KMT2E: variants seen among roughly 807,000 people sequenced by gnomAD.
The protein encoded by KMT2E is histone reader KMT2E.
Under a neutral mutation model 184.6 loss-of-function variants are expected in KMT2E, and 30 were observed. The ratio of observed to expected loss-of-function variants is 0.16; its 90% confidence interval spans 0.12 to 0.22. KMT2E has a LOEUF of 0.22. Ranked by LOEUF, KMT2E falls within the 10% of genes least tolerant of loss-of-function variation. The pLI, the probability that KMT2E is intolerant of heterozygous loss-of-function variation, is 1.00. For synonymous variants in KMT2E, 815 were observed against 776.5 expected (o/e 1.05, Z -0.82); for missense variants, 2,023 against 2,237.4 (o/e 0.90, Z 1.93).
chr7:105,066,818 C>T lies in KMT2E; in HGVS notation c.497+11C>T, dbSNP rs1205682252. The T allele has an allele frequency of 3.2e-6, 5 of 1,567,392 alleles. No individual in the cohort carries two copies. In the South Asian group the frequency reaches 4.4e-5, roughly 14 times the overall value. On this transcript the variant is annotated intron_variant, in intron 6 of 26. Transcript: ENST00000311117. The stretch of plus-strand genomic sequence containing the variant: ...ACGTTGTCAGCCTAGGTAAGTTGCA[C>T]ATATCTGATAACATTGCCAGTAATT...
intron 6 of KMT2E, among the ~76,000 whole-genome samples, chr7:105,069,962 T>TA (rs1797214064): frequency 6.6e-6 from 1 of 152,242 alleles, no homozygotes; most frequent in South Asian, 2.1e-4. Flanking sequence ...TTGACTTTTT[T>TA]ATCCAGCGTG....
At chr7:105,100,770 A>C (rs745501986) in intron 15 of KMT2E, among the ~76,000 whole-genome samples, 9 of 152,192 alleles carry the variant, frequency 5.9e-5, no homozygotes, top group Non-Finnish European at 1.0e-4. Flanking sequence ...TACTGTTTGA[A>C]AACCTCGTAT....
intron 1 of KMT2E, among the ~76,000 whole-genome samples, chr7:105,016,861 C>T (rs1287816058): frequency 1.3e-5 from 2 of 152,120 alleles, no homozygotes. Context: ...TTCTAGCCTA[C>T]GAAATAATTA....
intron 15 of KMT2E, among the ~76,000 whole-genome samples, chr7:105,096,244 G>C (rs1297154757): frequency 1.0e-5 from 1 of 95,492 alleles, no homozygotes; most frequent in East Asian, 3.0e-4. Flanking sequence ...ACAGTGAAAG[G>C]CTCAAAAAAA....
chr7:105,097,822 GC>G, intron 15 of KMT2E, among the ~76,000 whole-genome samples: 1 of 152,164 alleles, frequency 6.6e-6, no homozygotes, highest in Non-Finnish European at 1.5e-5. Flanking sequence ...CGTGATACGT[GC>G]TTGACATAAT....
chr7:105,102,004 G>T lies in KMT2E; in HGVS notation c.2006G>T (p.Arg669Ile), dbSNP rs1798675757. 1 of 1,613,746 alleles carries T rather than the reference G, an allele frequency of 6.2e-7. No individual in the cohort carries two copies. Among genetic ancestry groups the T allele is most frequent in the Non-Finnish European group, 8.5e-7 (1 of 1,179,862 alleles). The change falls in exon 17 of 27, where the codon AGA (arginine) becomes ATA (isoleucine). Residue 669 changes from arginine (R) to isoleucine (I), a missense_variant. By Grantham distance (97) the Arg-to-Ile change is moderately conservative. Coordinates refer to ENST00000311117, the MANE Select transcript of KMT2E (RefSeq NM_182931.3). ...THIGQQRRRHRTVSMCSDIQP... is the reference protein window; with the variant it reads ...THIGQQRRRHITVSMCSDIQP... Reference sequence around the variant, plus strand: ...ATTGGACAGCAGCGTCGGAGACACAGAACTGTCAGCATGTGTTCAGATATC... The same window carrying T: ...ATTGGACAGCAGCGTCGGAGACACATAACTGTCAGCATGTGTTCAGATATC...
At chr7:105,083,469 G>T (rs931827200) in intron 13 of KMT2E, among the ~76,000 whole-genome samples, 1 of 152,150 alleles carries the variant, frequency 6.6e-6, no homozygotes, top group African/African-American at 2.4e-5. Flanking sequence ...TGACTTGAGG[G>T]ACAAAGCATC....
chr7:105,085,541 A>T (rs1797928348), intron 13 of KMT2E, among the ~76,000 whole-genome samples: 1 of 140,848 alleles, frequency 7.1e-6, no homozygotes, highest in Non-Finnish European at 1.6e-5. Flanking sequence ...ATAGCAAAAC[A>T]TCTCAAAAAT....
chr7:105,085,071 AGTTC>A (rs929352776), intron 13 of KMT2E, among the ~76,000 whole-genome samples: 1 of 151,794 alleles, frequency 6.6e-6, no homozygotes, highest in African/African-American at 2.4e-5. Flanking sequence ...TAGGCTATAT[AGTTC>A]GTCTGTTTTT....
intron 19 of KMT2E, 83 bp downstream of exon 19, chr7:105,106,086 C>A: frequency 7.8e-7 from 1 of 1,276,404 alleles, no homozygotes; most frequent in Non-Finnish European, 1.1e-6. Flanking sequence ...TTTCTAGTTA[C>A]TGGTATGCAC....
rs557998912 is a variant in KMT2E at position 105,051,756 on chromosome 7, C to T, written c.72-10408C>T. Among the ~76,000 whole-genome samples the T allele has an allele frequency of 2.8e-3, 420 of 151,738 alleles. 22 individuals carry two copies. The South Asian group carries it at 0.085, about 31-fold the overall frequency. ...GCCTCAGCCTCCAGAGTAGATGGGACTACAGGTGCGCGCCACCACGCCCAG... is the reference window on the plus strand; with the variant it reads ...GCCTCAGCCTCCAGAGTAGATGGGATTACAGGTGCGCGCCACCACGCCCAG... On this transcript the variant is annotated intron_variant, in intron 3 of 26. Coordinates refer to ENST00000311117, the MANE Select transcript of KMT2E (RefSeq NM_182931.3).
intron 3 of KMT2E, among the ~76,000 whole-genome samples, chr7:105,046,298 A>C (rs1796102239): frequency 6.6e-6 from 1 of 152,190 alleles, no homozygotes; most frequent in East Asian, 1.9e-4. Flanking sequence ...TAATTTTCCC[A>C]GGTTTTTACA....
intron 1 of KMT2E, among the ~76,000 whole-genome samples, chr7:105,022,739 TAAA>T (rs1215672062): frequency 2.0e-5 from 3 of 152,144 alleles, no homozygotes; most frequent in Non-Finnish European, 4.4e-5. Context: ...TTTGCTTAAT[TAAA>T]AAAACTAATT....
At chr7:105,083,372 T>A (rs1797835526) in intron 13 of KMT2E, among the ~76,000 whole-genome samples, 1 of 152,186 alleles carries the variant, frequency 6.6e-6, no homozygotes, top group African/African-American at 2.4e-5. Context: ...CCCTCAGTGT[T>A]GAACTCATAG....
At chr7:105,101,801 G>A in intron 16 of KMT2E, 85 bp from the exon 17 acceptor site, 1 of 1,163,650 alleles carries the variant, frequency 8.6e-7, no homozygotes, top group South Asian at 1.6e-5. Flanking sequence ...CAGAAAGTTG[G>A]CTTCTGAAGT....
intron 1 of KMT2E, among the ~76,000 whole-genome samples, chr7:105,035,801 C>A (rs967868897): frequency 6.6e-6 from 1 of 151,536 alleles, no homozygotes; most frequent in Non-Finnish European, 1.5e-5. Context: ...TCAGGTGATC[C>A]ACCCACCTTG....
rs562622235 is a variant in KMT2E at position 105,091,523 on chromosome 7, A to G, written c.1722+209A>G. The G allele has an allele frequency of 4.4e-5, 26 of 591,272 alleles. 1 individual carries two copies. The South Asian group carries it at 5.9e-4, about 13-fold the overall frequency. The allele number at this position is 591,272 out of a possible 1,614,324, so 36.6% of individuals were successfully genotyped here. The stretch of plus-strand genomic sequence containing the variant: ...TTGTTCATTAGAGATTTAAGAATGT[A>G]TGACATTTAAGAAATATGAACATTT... On this transcript the variant is annotated intron_variant, in intron 15 of 26. Transcript: ENST00000311117.
intron 15 of KMT2E, among the ~76,000 whole-genome samples, chr7:105,094,326 CTT>C (rs1798320859): frequency 3.9e-5 from 6 of 152,156 alleles, no homozygotes; most frequent in Admixed American, 3.3e-4. Flanking sequence ...GCATACTACT[CTT>C]GAGAAACTTA....
chr7:105,078,895 T>G lies in KMT2E; in HGVS notation c.1180T>G (p.Cys394Gly). 1 of 1,610,798 alleles carries G rather than the reference T, an allele frequency of 6.2e-7. No homozygotes were observed. Among genetic ancestry groups the G allele is most frequent in the Non-Finnish European group, 8.5e-7 (1 of 1,177,250 alleles). The change falls in exon 12 of 27, where the codon TGT becomes GGT. Residue 394 changes from cysteine (C) to glycine (G), a missense_variant. By Grantham distance (159) the Cys-to-Gly change is radical. Around this residue, in one of 8 missense-constraint regions of KMT2E, gnomAD observed 68 missense variants for 133.1 expected, o/e 0.51. Transcript: ENST00000311117. ...FYSKFHGLEM[C>G]VDARTFGNEA... is the part of the protein sequence containing the mutation. ...CTCTAAATTTCATGGGCTAGAAATG[T>G]GTGTTGATGCAAGGACTTTTGGGAA...
Sources: allele counts gnomAD v4.1 joint callset (sites outside exome capture counted in the v4.1 genomes callset), GRCh38; gene constraint gnomAD v4.1.1; regional missense constraint gnomAD v4.1.1; transcripts MANE v1.5; gene names NCBI Gene and HGNC (gene_info 2026-07-23, HGNC 2026-07-21).